The following ROR1 variants were observed in gnomAD, a reference collection of about 807,000 sequenced individuals.
ROR1 encodes the protein ROR family WNT receptor 1, also known as inactive tyrosine-protein kinase transmembrane receptor ROR1.
A neutral mutation model predicts 78.8 loss-of-function variants in ROR1; 19 were observed. The ratio of observed to expected loss-of-function variants is 0.24; its 90% CI spans 0.17 to 0.35. The LOEUF is 0.35. Ranked by LOEUF, ROR1 falls within the 10% of genes least tolerant of loss-of-function variation. ROR1 has a pLI of 1.00. For synonymous variants in ROR1, 386 were observed against 433.6 expected (o/e 0.89, Z 1.36); for missense variants, 917 against 1,177.8 (o/e 0.78, Z 3.24).
intron 4 of ROR1, among the ~76,000 whole-genome samples, chr1:64,081,030 A>T (rs543426467): frequency 6.6e-6 from 1 of 152,220 alleles, no homozygotes; most frequent in Non-Finnish European, 1.5e-5. Context: ...GTTTTCAGTT[A>T]GCCAGATCAT....
chr1:63,978,298 C>A (rs902834951), intron 1 of ROR1, among the ~76,000 whole-genome samples: 6 of 152,158 alleles, frequency 3.9e-5, no homozygotes, highest in Non-Finnish European at 5.9e-5. Flanking sequence ...CAACTTTTAT[C>A]TTCCTAGACA....
chr1:63,929,390 A>G (rs1453953618), intron 1 of ROR1, among the ~76,000 whole-genome samples: 1 of 152,128 alleles, frequency 6.6e-6, no homozygotes, highest in African/African-American at 2.4e-5. Context: ...TCCCCTAGGA[A>G]GCTTTCCCAG....
At chr1:64,037,596 A>G (rs1407480487) in intron 2 of ROR1, among the ~76,000 whole-genome samples, 4 of 152,110 alleles carry the variant, frequency 2.6e-5, no homozygotes, top group Non-Finnish European at 5.9e-5. Context: ...GGGTTCCTCA[A>G]TGTAGTCATA....
chr1:64,071,250 C>T (rs138219091), intron 4 of ROR1, among the ~76,000 whole-genome samples: 1 of 152,174 alleles, frequency 6.6e-6, no homozygotes, highest in East Asian at 1.9e-4. Context: ...GGTGATGTGT[C>T]CTCATTTACA....
At chr1:63,991,114 GTTTTGTT>G (rs1646292895) in intron 1 of ROR1, among the ~76,000 whole-genome samples, 1 of 140,732 alleles carries the variant, frequency 7.1e-6, no homozygotes, top group Non-Finnish European at 1.6e-5. Flanking sequence ...GTTTTGTTTT[GTTTTGTT>G]TTGCTTTTTT....
At chr1:64,072,056 C>G (rs187107432) in intron 4 of ROR1, among the ~76,000 whole-genome samples, 1 of 152,294 alleles carries the variant, frequency 6.6e-6, no homozygotes, top group Admixed American at 6.5e-5. Context: ...TGATTAATAT[C>G]TAAACACTGA....
rs139292544 is a variant in ROR1 at position 64,049,002 on chromosome 1, T to C, written c.164-689T>C. On this transcript the variant is annotated intron_variant, in intron 2 of 8. Transcript: ENST00000371079. ...GCATTTGCCTGTACTCATAGAACTG[T>C]ATAACTAAGATCTGTATATTGCACA... Among the ~76,000 whole-genome samples the C allele has an allele frequency of 4.2e-3, 636 of 152,354 alleles. 17 individuals carry two copies. The highest frequency in any genetic ancestry group is 7.6e-4 in the Non-Finnish European group (52 of 68,030).
chr1:64,014,635 T>C (rs1239212268), intron 2 of ROR1, among the ~76,000 whole-genome samples: 2 of 136,652 alleles, frequency 1.5e-5, no homozygotes. Flanking sequence ...GCAGCAGAAA[T>C]GGAGGGAACC....
At chr1:63,963,738 C>CA (rs1334165776) in intron 1 of ROR1, among the ~76,000 whole-genome samples, 2 of 152,030 alleles carry the variant, frequency 1.3e-5, no homozygotes, top group African/African-American at 4.8e-5. Context: ...CAAGAAGATC[C>CA]AAGTAGAAGT....
At chr1:64,159,242 A>G (rs1649866843) in intron 8 of ROR1, 50 bp downstream of exon 8, 2 of 1,384,794 alleles carry the variant, frequency 1.4e-6, no homozygotes, top group Non-Finnish European at 2.1e-6. Flanking sequence ...TTCAAGTTAA[A>G]GCACCATGTT....
intron 8 of ROR1, among the ~76,000 whole-genome samples, chr1:64,175,017 TAA>T (rs567861566): frequency 6.7e-6 from 1 of 149,354 alleles, no homozygotes; most frequent in African/African-American, 2.5e-5. Context: ...TTTTTTTTTT[TAA>T]AAAAATAGTT....
intron 1 of ROR1, among the ~76,000 whole-genome samples, chr1:63,798,959 G>T (rs1418694081): frequency 6.6e-6 from 1 of 152,094 alleles, no homozygotes; most frequent in Non-Finnish European, 1.5e-5. Flanking sequence ...GCTATTCAGG[G>T]GCTTAACGTC....
chr1:64,135,474 A>G (rs1271314639), intron 4 of ROR1, among the ~76,000 whole-genome samples: 2 of 152,100 alleles, frequency 1.3e-5, no homozygotes, highest in Non-Finnish European at 2.9e-5. Context: ...GGGCTCTGCT[A>G]ATGCCTAGGG....
At chr1:64,116,768 T>G (rs1231216383) in intron 4 of ROR1, among the ~76,000 whole-genome samples, 2 of 152,158 alleles carry the variant, frequency 1.3e-5, no homozygotes, top group Non-Finnish European at 2.9e-5. Context: ...TGGCTTCCAT[T>G]CTGCCATGAC....
At chr1:63,856,175 G>T (rs372729859) in intron 1 of ROR1, among the ~76,000 whole-genome samples, 1 of 151,436 alleles carries the variant, frequency 6.6e-6, no homozygotes, top group African/African-American at 2.4e-5. Flanking sequence ...AATTTTCCTT[G>T]TTGGGTACTG....
At chr1:63,970,159 G>A (rs1646107766) in intron 1 of ROR1, among the ~76,000 whole-genome samples, 1 of 152,018 alleles carries the variant, frequency 6.6e-6, no homozygotes, top group Non-Finnish European at 1.5e-5. Context: ...ACTTCCTCCA[G>A]GAAATCTTTA....
intron 1 of ROR1, among the ~76,000 whole-genome samples, chr1:63,913,715 T>C (rs971045694): frequency 1.3e-4 from 20 of 152,202 alleles, no homozygotes; most frequent in African/African-American, 4.8e-4. Flanking sequence ...CCTCCCTTGC[T>C]ACGAGGCTGC....
At chr1:64,092,253 T>A (rs971645830) in intron 4 of ROR1, among the ~76,000 whole-genome samples, 1 of 152,106 alleles carries the variant, frequency 6.6e-6, no homozygotes, top group African/African-American at 2.4e-5. Context: ...ACTATGTGAC[T>A]CCTAAGAGGT....
chr1:64,096,097 T>C (rs920173591), intron 4 of ROR1, among the ~76,000 whole-genome samples: 1 of 152,178 alleles, frequency 6.6e-6, no homozygotes, highest in African/African-American at 2.4e-5. Flanking sequence ...TATGATATCA[T>C]TCTTAAAGAT....
Sources: allele counts gnomAD v4.1 joint callset (sites outside exome capture counted in the v4.1 genomes callset), GRCh38; gene constraint gnomAD v4.1.1; transcripts MANE v1.5; gene names NCBI Gene and HGNC (gene_info 2026-07-23, HGNC 2026-07-21).